Variants in NRXN1 observed in about 807,000 individuals in gnomAD.
NRXN1 encodes neurexin 1, also known as neurexin-1.
Under a neutral mutation model 150.9 loss-of-function variants are expected in NRXN1, and 39 were observed. The ratio of observed to expected loss-of-function variants is 0.26; its 90% confidence interval spans 0.20 to 0.34. NRXN1 has a LOEUF of 0.34. Ranked by LOEUF, NRXN1 falls within the 10% of genes least tolerant of loss-of-function variation. NRXN1 has a pLI of 1.00. For missense variants in NRXN1, 1,815 were observed against 1,949.9 expected (o/e 0.93, Z 1.30); for synonymous variants, 924 against 757.0 (o/e 1.22, Z -3.62).
At chr2:50,143,213 G>C (rs1707521172) in intron 18 of NRXN1, among the ~76,000 whole-genome samples, 2 of 151,320 alleles carry the variant, frequency 1.3e-5, no homozygotes, top group Non-Finnish European at 3.0e-5. Flanking sequence ...AAATAAAGAA[G>C]AAAAATGTAA....
intron 17 of NRXN1, among the ~76,000 whole-genome samples, chr2:50,446,434 T>G (rs149276465): frequency 8.0e-6 from 1 of 125,214 alleles, no homozygotes; most frequent in Admixed American, 9.0e-5. Flanking sequence ...CTTCCTTTCC[T>G]CCTTCCTTCC....
At chr2:50,811,560 C>G (rs146254461) in intron 5 of NRXN1, among the ~76,000 whole-genome samples, 14 of 152,226 alleles carry the variant, frequency 9.2e-5, no homozygotes, top group Non-Finnish European at 1.9e-4. Flanking sequence ...TCAGTTGGCA[C>G]TCCAAAGCAC....
chr2:50,878,325 A>T (rs2103647629), intron 5 of NRXN1, among the ~76,000 whole-genome samples: 1 of 151,990 alleles, frequency 6.6e-6, no homozygotes, highest in South Asian at 2.1e-4. Context: ...TGTGAGTAGA[A>T]GGCCCTGTGA....
chr2:50,526,385 G>T (rs1361017481), intron 12 of NRXN1, among the ~76,000 whole-genome samples: 1 of 152,298 alleles, frequency 6.6e-6, no homozygotes, highest in Admixed American at 6.5e-5. Flanking sequence ...TATCGGCTGT[G>T]ATTTAATAAA....
intron 17 of NRXN1, among the ~76,000 whole-genome samples, chr2:50,414,960 T>A (rs1172266169): frequency 3.3e-5 from 5 of 152,062 alleles, no homozygotes; most frequent in African/African-American, 1.2e-4. Context: ...CAATTAAAAT[T>A]TTTACTGAAG....
chr2:50,451,801 T>A (rs1291464918), intron 17 of NRXN1, among the ~76,000 whole-genome samples: 2 of 152,200 alleles, frequency 1.3e-5, no homozygotes, highest in East Asian at 3.9e-4. Flanking sequence ...TTTGTAAAAT[T>A]GATGTCACAA....
chr2:51,015,303 C>T (rs550484860), intron 2 of NRXN1, among the ~76,000 whole-genome samples: 3 of 152,160 alleles, frequency 2.0e-5, no homozygotes, highest in Admixed American at 6.6e-5. Flanking sequence ...ACAGCTCAAG[C>T]TTCCCAGCTT....
intron 17 of NRXN1, among the ~76,000 whole-genome samples, chr2:50,320,328 A>ATATG (rs70946901): frequency 8.7e-6 from 1 of 115,334 alleles, no homozygotes; most frequent in African/African-American, 3.2e-5. Flanking sequence ...ATATATATAT[A>ATATG]GTATATGATT....
At chr2:50,312,855 G>A in intron 17 of NRXN1, 1 of 461,688 alleles carries the variant, frequency 2.2e-6, no homozygotes, top group South Asian at 1.5e-5. Context: ...ATAATTTTAA[G>A]TTTTGATAGA....
intron 17 of NRXN1, among the ~76,000 whole-genome samples, chr2:50,443,237 A>G (rs1011210070): frequency 6.6e-6 from 1 of 152,242 alleles, no homozygotes; most frequent in Admixed American, 6.5e-5. Context: ...AATAACAGAA[A>G]GACTAAGTAC....
intron 18 of NRXN1, among the ~76,000 whole-genome samples, chr2:50,160,466 A>C (rs184215132): frequency 6.6e-6 from 1 of 152,078 alleles, no homozygotes; most frequent in Admixed American, 6.6e-5. Context: ...GCTTGAACCC[A>C]GGAGGTGGAA....
intron 5 of NRXN1, among the ~76,000 whole-genome samples, chr2:50,810,118 T>C (rs143392707): frequency 5.4e-4 from 82 of 152,264 alleles, no homozygotes; most frequent in African/African-American, 1.9e-3. Flanking sequence ...ATAAATTTAG[T>C]TTCCAAACAT....
At chr2:49,959,787 T>G (rs1020321373) in intron 21 of NRXN1, among the ~76,000 whole-genome samples, 2 of 152,176 alleles carry the variant, frequency 1.3e-5, no homozygotes, top group Non-Finnish European at 2.9e-5. Flanking sequence ...TCATTATTAT[T>G]TTATAAGACA....
At chr2:50,518,420 A>G (rs1311121839) in intron 12 of NRXN1, among the ~76,000 whole-genome samples, 1 of 151,990 alleles carries the variant, frequency 6.6e-6, no homozygotes, top group Non-Finnish European at 1.5e-5. Flanking sequence ...TTTGCTTTTG[A>G]GTAAGCATTA....
Position 49,993,522 on chromosome 2 carries a change from G to A in NRXN1, c.4129-49731C>T, listed in dbSNP as rs1049731608. Among the ~76,000 whole-genome samples, 73 of 152,120 alleles carry A rather than the reference G, an allele frequency of 4.8e-4. 2 individuals carry two copies. Among genetic ancestry groups the A allele is most frequent in the Admixed American group, 4.5e-3 (69 of 15,270 alleles). On this transcript the variant is annotated intron_variant, in intron 21 of 22. Transcript: ENST00000401669. ...ATTTGTCCAAATCCACAGAATGTAC[G>A]ACATTCATGTAACCTCTGGCCTTTG...
rs376641324 is a variant in NRXN1 at position 51,028,199 on chromosome 2, C to A, written c.75G>T (p.Ala25=). 2 of 1,492,806 alleles carry A rather than the reference C, an allele frequency of 1.3e-6. No individual in the cohort carries two copies. The highest frequency in any genetic ancestry group is 1.4e-5 in the African/African-American group (1 of 71,578). 92.5% of individuals were successfully genotyped at this position (1,492,806 alleles called of 1,614,324 possible). The part of the protein sequence containing the change: ...CLSLLLLGCW[A]ELGSGLEFPG... ...GAAACTCCAGCCCGCTGCCCAGCTC[C>A]GCCCAGCAGCCCAGGAGCAGCAGCG... The change falls in exon 2 of 23, where the codon GCG becomes GCT. Residue 25 remains alanine (A), a synonymous_variant. Transcript: ENST00000401669.
chr2:50,506,380 G>A (rs1232992496), intron 13 of NRXN1, 115 bp downstream of exon 13: 1 of 842,260 alleles, frequency 1.2e-6, no homozygotes, highest in Non-Finnish European at 1.7e-6. Context: ...GAATAAAAAT[G>A]GATTGTGTGA....
intron 17 of NRXN1, among the ~76,000 whole-genome samples, chr2:50,304,878 T>A (rs1001422837): frequency 6.6e-6 from 1 of 152,054 alleles, no homozygotes; most frequent in Non-Finnish European, 1.5e-5. Context: ...GATCAGAAGG[T>A]CAGGAGTTCG....
intron 17 of NRXN1, among the ~76,000 whole-genome samples, chr2:50,275,821 C>A (rs1311485706): frequency 6.6e-6 from 1 of 151,880 alleles, no homozygotes; most frequent in Non-Finnish European, 1.5e-5. Flanking sequence ...ATTTTTGGCA[C>A]GTAGTTATCA....
Sources: gnomAD v4.1 joint callset for allele counts (sites outside exome capture counted in the v4.1 genomes callset) on GRCh38, gnomAD v4.1.1 for gene constraint, MANE v1.5 for transcripts, NCBI Gene and HGNC (gene_info 2026-07-23, HGNC 2026-07-21) for gene names.